Variants in TMEM108 observed in about 807,000 individuals in gnomAD.
The protein encoded by TMEM108 is transmembrane protein 108.
Under a neutral mutation model 35.1 loss-of-function variants are expected in TMEM108, and 12 were observed. The ratio of observed to expected loss-of-function variants is 0.34; its 90% CI spans 0.22 to 0.55. The LOEUF is 0.55. Among genes scored for constraint, TMEM108 ranks in the 20% least tolerant of loss-of-function variants. The pLI is 0.89. For synonymous variants in TMEM108, 287 were observed against 308.6 expected, an observed-to-expected ratio of 0.93 and a Z score of 0.73; for missense variants, 680 against 753.3, an observed-to-expected ratio of 0.90 and a Z score of 1.14.
At chr3:133,260,095 C>T (rs1179615463) in intron 3 of TMEM108, among the ~76,000 whole-genome samples, 1 of 152,166 alleles carries the variant, frequency 6.6e-6, no homozygotes, top group African/African-American at 2.4e-5. Context: ...AGCGTCTTTG[C>T]TTCAGTAAAG....
intron 3 of TMEM108, among the ~76,000 whole-genome samples, chr3:133,262,750 C>A (rs574312956): frequency 6.6e-6 from 1 of 152,338 alleles, no homozygotes; most frequent in East Asian, 1.9e-4. Flanking sequence ...GGGATGCACA[C>A]AAGAGAAGAT....
Position 133,396,116 on chromosome 3 carries a change from A to C in TMEM108, c.*130A>C. On this transcript the variant is annotated 3_prime_UTR_variant, in exon 6 of 6. Coordinates refer to ENST00000321871, the MANE Select transcript of TMEM108 (RefSeq NM_023943.4). ...AGAAACATTTTCAGCTTTTTTTCCT[A>C]TGAATTGTCAACATCTTTTTTACAA... 2 of 599,270 alleles carry C rather than the reference A, an allele frequency of 3.3e-6. No individual in the cohort carries two copies. The highest frequency in any genetic ancestry group is 4.5e-6 in the Non-Finnish European group (2 of 442,662). The allele number at this position is 599,270 out of a possible 1,614,324, so 37.1% of individuals were successfully genotyped here. A position where few individuals can be genotyped will look rare whatever the true frequency, so the allele number is the denominator to read the frequency against.
intron 3 of TMEM108, among the ~76,000 whole-genome samples, chr3:133,306,418 C>T (rs202054549): frequency 6.6e-6 from 1 of 152,248 alleles, no homozygotes; most frequent in East Asian, 1.9e-4. Flanking sequence ...GCACAACGTG[C>T]AGGTATGTTC....
chr3:133,077,868 C>A (rs1232963083), intron 2 of TMEM108, among the ~76,000 whole-genome samples: 3 of 152,112 alleles, frequency 2.0e-5, no homozygotes, highest in African/African-American at 7.2e-5. Context: ...AGCTCTTGCT[C>A]CCAGGCTGAC....
At chr3:133,366,510 T>C (rs1031681673) in intron 3 of TMEM108, among the ~76,000 whole-genome samples, 1 of 152,234 alleles carries the variant, frequency 6.6e-6, no homozygotes, top group African/African-American at 2.4e-5. Flanking sequence ...AGCTTCTACA[T>C]GTGCAATATG....
At chr3:133,090,618 T>C (rs1445762958) in intron 2 of TMEM108, among the ~76,000 whole-genome samples, 1 of 152,224 alleles carries the variant, frequency 6.6e-6, no homozygotes, top group African/African-American at 2.4e-5. Context: ...TTAAGAATTA[T>C]CGTAAGAAAT....
At position 133,140,357 on chromosome 3, in the gene TMEM108, C is replaced by A. The variant is rs534023877; in HGVS notation, c.-46-88909C>A. 2.0e-5 allele frequency among the ~76,000 whole-genome samples: 3 copies of A among 152,242 alleles called. No homozygotes were observed. In the East Asian group the frequency reaches 5.8e-4, roughly 29 times the overall value. On this transcript the variant is annotated intron_variant, in intron 2 of 5. Coordinates refer to ENST00000321871, the MANE Select transcript of TMEM108 (RefSeq NM_023943.4). ...CAATTTACCATGACTTGGCCCTAAACCATATTGATTTAATGAACACAGTCA... is the reference window on the plus strand; with the variant it reads ...CAATTTACCATGACTTGGCCCTAAAACATATTGATTTAATGAACACAGTCA...
rs1553764021 is a variant in TMEM108, at chr3:133,342,544, G to GTATA, written c.41-37199_41-37196dup. ...TAAAAAAGTTAAAAAAGAAAATGTG[G>GTATA]TATATATATATACACACACACACAC... On this transcript the variant is annotated intron_variant, in intron 3 of 5. Transcript: ENST00000321871. Among the ~76,000 whole-genome samples the GTATA allele has an allele frequency of 2.8e-4, 13 of 46,608 alleles. 3 individuals are homozygous for GTATA. In the East Asian group the frequency reaches 3.1e-3, roughly 11 times the overall value. The allele number at this position is 46,608 out of a possible 152,430, so 30.6% of individuals were successfully genotyped here. A position where few individuals can be genotyped will look rare whatever the true frequency, so the allele number is the denominator to read the frequency against.
chr3:133,274,822 G>C (rs1404044541), intron 3 of TMEM108, among the ~76,000 whole-genome samples: 1 of 152,164 alleles, frequency 6.6e-6, no homozygotes, highest in South Asian at 2.1e-4. Flanking sequence ...CCAGTCAGGG[G>C]GTTAGACACA....
chr3:133,364,412 A>G (rs79843219), intron 3 of TMEM108, among the ~76,000 whole-genome samples: 1,901 of 152,352 alleles, frequency 0.012, 16 homozygotes, highest in South Asian at 0.024. Flanking sequence ...TTTGTCAAAC[A>G]TGTTCTTCCA....
intron 2 of TMEM108, among the ~76,000 whole-genome samples, chr3:133,206,877 T>A (rs1231625266): frequency 6.6e-6 from 1 of 152,226 alleles, no homozygotes; most frequent in East Asian, 1.9e-4. Flanking sequence ...GTAGGAACAC[T>A]TAAGTCTGCT....
chr3:133,265,019 G>A (rs968029962), intron 3 of TMEM108, among the ~76,000 whole-genome samples: 6 of 152,176 alleles, frequency 3.9e-5, no homozygotes, highest in African/African-American at 1.4e-4. Flanking sequence ...CTCTTGCTGG[G>A]CACCAGCACT....
intron 3 of TMEM108, among the ~76,000 whole-genome samples, chr3:133,310,362 C>G (rs2071108796): frequency 6.6e-6 from 1 of 152,008 alleles, no homozygotes; most frequent in Admixed American, 6.6e-5. Context: ...TCTCTAAGGA[C>G]TTGCTTTATG....
chr3:133,226,610 A>C (rs112258190), intron 2 of TMEM108, among the ~76,000 whole-genome samples: 3,009 of 152,162 alleles, frequency 0.02, 112 homozygotes, highest in African/African-American at 0.068. Flanking sequence ...TCTGGCCCCC[A>C]CTTCCCATCA....
At chr3:133,071,842 T>C (rs4496483) in intron 2 of TMEM108, among the ~76,000 whole-genome samples, 2 of 152,002 alleles carry the variant, frequency 1.3e-5, no homozygotes, top group African/African-American at 4.8e-5. Context: ...TAACATTTGA[T>C]GTAGTCCCAT....
intron 2 of TMEM108, among the ~76,000 whole-genome samples, chr3:133,170,295 CAGAAA>C (rs1945111059): frequency 1.3e-5 from 2 of 152,148 alleles, no homozygotes; most frequent in Non-Finnish European, 2.9e-5. Context: ...TTGTATGAAA[CAGAAA>C]AGACAATGGA....
intron 3 of TMEM108, among the ~76,000 whole-genome samples, chr3:133,304,752 A>G (rs568200149): frequency 1.3e-5 from 2 of 152,262 alleles, no homozygotes; most frequent in East Asian, 1.9e-4. Context: ...TCACTAGGCA[A>G]TGGAAATTTG....
chr3:133,310,464 C>T (rs1180790493), intron 3 of TMEM108, among the ~76,000 whole-genome samples: 2 of 133,732 alleles, frequency 1.5e-5, no homozygotes, highest in African/African-American at 5.4e-5. Flanking sequence ...TAATGGCCTT[C>T]TTTGTCTCTT....
chr3:133,169,435 T>A (rs1424351117), intron 2 of TMEM108, among the ~76,000 whole-genome samples: 1 of 152,214 alleles, frequency 6.6e-6, no homozygotes, highest in Non-Finnish European at 1.5e-5. Context: ...GGGACTGTGT[T>A]GTTCATTATT....
Sources: allele counts gnomAD v4.1 joint callset (sites outside exome capture counted in the v4.1 genomes callset), GRCh38; gene constraint gnomAD v4.1.1; transcripts MANE v1.5; gene names NCBI Gene and HGNC (gene_info 2026-07-23, HGNC 2026-07-21).